SGCZ: variants seen among roughly 807,000 people sequenced by gnomAD.
The protein encoded by SGCZ is zeta-sarcoglycan.
A neutral mutation model predicts 41.3 loss-of-function variants in SGCZ; 40 were observed. The observed-to-expected ratio is 0.97, with a 90% CI of 0.75 to 1.26. The LOEUF is 1.26. Among genes scored for constraint, SGCZ ranks in the 50% most tolerant of loss-of-function variants. The probability of loss-of-function intolerance (pLI) is 0.00; values close to 1 mark genes in which losing one functional copy is unlikely to be tolerated. For missense variants in SGCZ, 552 were observed against 369.8 expected, an observed-to-expected ratio of 1.49 and a Z score of -4.04; for synonymous variants, 206 against 137.5, an observed-to-expected ratio of 1.50 and a Z score of -3.49.
intron 2 of SGCZ, among the ~76,000 whole-genome samples, chr8:14,424,624 C>A (rs2117316047): frequency 7.8e-6 from 1 of 128,226 alleles, no homozygotes; most frequent in Middle Eastern, 4.2e-3. Flanking sequence ...CTTTTGTTGT[C>A]ATTTTTACGT....
At chr8:15,229,637 A>G (rs1424629539) in intron 1 of SGCZ, among the ~76,000 whole-genome samples, 1 of 152,174 alleles carries the variant, frequency 6.6e-6, no homozygotes, top group Non-Finnish European at 1.5e-5. Flanking sequence ...TCTTGAGGTA[A>G]GCGATTTATT....
intron 2 of SGCZ, among the ~76,000 whole-genome samples, chr8:14,539,420 G>A (rs1379015428): frequency 6.6e-6 from 1 of 151,972 alleles, no homozygotes; most frequent in African/African-American, 2.4e-5. Context: ...GTCAGGGAAG[G>A]CTAGGGAGAA....
At chr8:15,078,054 T>A (rs1279360463) in intron 1 of SGCZ, among the ~76,000 whole-genome samples, 6 of 151,226 alleles carry the variant, frequency 4.0e-5, no homozygotes, top group African/African-American at 1.5e-4. Context: ...CAGGAATTCA[T>A]GCCTTACGTG....
intron 2 of SGCZ, among the ~76,000 whole-genome samples, chr8:14,417,998 T>C (rs188720988): frequency 7.3e-4 from 111 of 151,942 alleles, no homozygotes; most frequent in Non-Finnish European, 1.2e-3. Flanking sequence ...GTCCTGATAA[T>C]GTACAAAAGG....
intron 4 of SGCZ, among the ~76,000 whole-genome samples, chr8:14,218,544 T>G (rs1315649330): frequency 6.6e-6 from 1 of 152,246 alleles, no homozygotes; most frequent in Non-Finnish European, 1.5e-5. Context: ...ATTGCAGTTT[T>G]GCATTGTTTA....
At chr8:14,949,064 T>A (rs1339733728) in intron 1 of SGCZ, among the ~76,000 whole-genome samples, 1 of 152,146 alleles carries the variant, frequency 6.6e-6, no homozygotes, top group Non-Finnish European at 1.5e-5. Flanking sequence ...ATTCGGTACA[T>A]TTCCACTGAA....
chr8:15,100,933 A>G (rs1301239100), intron 1 of SGCZ, among the ~76,000 whole-genome samples: 1 of 152,098 alleles, frequency 6.6e-6, no homozygotes, highest in African/African-American at 2.4e-5. Context: ...CCATGACTGC[A>G]TTACTGCACT....
chr8:14,180,151 G>A (rs1804674641), intron 4 of SGCZ, among the ~76,000 whole-genome samples: 2 of 152,176 alleles, frequency 1.3e-5, no homozygotes, highest in South Asian at 2.1e-4. Flanking sequence ...ATAGGGCAAT[G>A]CAACAAGTGG....
chr8:14,430,992 T>G (rs1228448215), intron 2 of SGCZ, among the ~76,000 whole-genome samples: 1 of 151,696 alleles, frequency 6.6e-6, no homozygotes, highest in East Asian at 1.9e-4. Flanking sequence ...ACCAAGGAGG[T>G]GAAAGACCTG....
chr8:14,744,884 AT>A (rs929530248), intron 1 of SGCZ, among the ~76,000 whole-genome samples: 3 of 152,124 alleles, frequency 2.0e-5, no homozygotes, highest in African/African-American at 7.2e-5. Flanking sequence ...CCAGCTTTTC[AT>A]TTTATAACAG....
chr8:14,534,878 A>C (rs2117134956), intron 2 of SGCZ, among the ~76,000 whole-genome samples: 1 of 152,150 alleles, frequency 6.6e-6, no homozygotes, highest in South Asian at 2.1e-4. Context: ...CTGATGAATA[A>C]GCATAAGGGA....
At chr8:14,854,543 T>C (rs982263254) in intron 1 of SGCZ, among the ~76,000 whole-genome samples, 3 of 152,148 alleles carry the variant, frequency 2.0e-5, no homozygotes, top group African/African-American at 7.2e-5. Flanking sequence ...TGTGTAATAT[T>C]GTTTTCATAA....
chr8:14,816,353 C>A (rs1320850297), intron 1 of SGCZ, among the ~76,000 whole-genome samples: 1 of 152,192 alleles, frequency 6.6e-6, no homozygotes, highest in Non-Finnish European at 1.5e-5. Context: ...TTTTACAACA[C>A]TTTGACAATT....
intron 3 of SGCZ, among the ~76,000 whole-genome samples, chr8:14,270,784 T>C (rs890871908): frequency 7.2e-5 from 11 of 152,144 alleles, no homozygotes; most frequent in Admixed American, 2.0e-4. Flanking sequence ...TAGCAAAGAC[T>C]TGGAACCAAC....
intron 2 of SGCZ, among the ~76,000 whole-genome samples, chr8:14,547,209 C>G (rs889308006): frequency 2.2e-4 from 34 of 152,132 alleles, no homozygotes; most frequent in African/African-American, 8.0e-4. Flanking sequence ...AGAATCAACA[C>G]AGAAATTCCA....
intron 5 of SGCZ, among the ~76,000 whole-genome samples, chr8:14,149,535 A>C (rs1803630596): frequency 6.6e-6 from 1 of 152,038 alleles, no homozygotes; most frequent in Non-Finnish European, 1.5e-5. Context: ...CCAAAAAATG[A>C]AAATAAATAG....
At chr8:14,801,285 T>C (rs1475693151) in intron 1 of SGCZ, among the ~76,000 whole-genome samples, 4 of 152,222 alleles carry the variant, frequency 2.6e-5, no homozygotes, top group Non-Finnish European at 2.9e-5. Context: ...ATGCATATGC[T>C]ACTGGCATTT....
At chr8:14,837,758 T>C (rs1039484509) in intron 1 of SGCZ, among the ~76,000 whole-genome samples, 1 of 152,176 alleles carries the variant, frequency 6.6e-6, no homozygotes, top group Non-Finnish European at 1.5e-5. Context: ...AGAATCGTAC[T>C]TAGATTTACG....
intron 1 of SGCZ, among the ~76,000 whole-genome samples, chr8:15,131,053 G>A (rs1317965742): frequency 6.6e-6 from 1 of 152,078 alleles, no homozygotes; most frequent in Non-Finnish European, 1.5e-5. Context: ...GCAAGCTGAG[G>A]AAGCATCAAG....
Sources: allele counts gnomAD v4.1 joint callset (sites outside exome capture counted in the v4.1 genomes callset), GRCh38; gene constraint gnomAD v4.1.1; transcripts MANE v1.5; gene names NCBI Gene and HGNC (gene_info 2026-07-23, HGNC 2026-07-21).